ATAD2B: variants seen among roughly 807,000 people sequenced by gnomAD.
The protein encoded by ATAD2B is ATPase family AAA domain containing 2B.
ATAD2B carries 40 observed loss-of-function variants against 167.6 expected under a neutral mutation model. The observed-to-expected ratio is 0.24, with a 90% CI of 0.19 to 0.31. The LOEUF (loss-of-function observed/expected upper bound fraction) is 0.31. Among genes scored for constraint, ATAD2B ranks in the 10% least tolerant of loss-of-function variants. The probability of loss-of-function intolerance (pLI) is 1.00; values close to 1 mark genes in which losing one functional copy is unlikely to be tolerated. For synonymous variants in ATAD2B, 579 were observed against 596.5 expected (o/e 0.97, Z 0.43); for missense variants, 1,242 against 1,757.2 (o/e 0.71, Z 5.24).
At chr2:23,827,280 A>T (rs1321669571) in intron 15 of ATAD2B, among the ~76,000 whole-genome samples, 1 of 152,180 alleles carries the variant, frequency 6.6e-6, no homozygotes, top group Non-Finnish European at 1.5e-5. Flanking sequence ...GTAAGAAATT[A>T]TACCATGAAA....
chr2:23,689,049 A>C, the ATAD2B span: 1 of 152,754 alleles, frequency 6.5e-6, no homozygotes, highest in Admixed American at 6.5e-5. Context: ...CAGGCCATGC[A>C]CGAAGGCCTG....
At chr2:23,684,647 GA>G in the ATAD2B span, 1 of 940,290 alleles carries the variant, frequency 1.1e-6, no homozygotes, top group Non-Finnish European at 1.5e-6. The surrounding 1 kb of genome is among the most constrained non-coding windows in gnomAD (Gnocchi z 4.4). Flanking sequence ...CCCTGTCACA[GA>G]GCCAGTAGCC....
the ATAD2B span, among the ~76,000 whole-genome samples, chr2:23,692,586 C>T: frequency 6.6e-6 from 1 of 152,180 alleles, no homozygotes. Context: ...GTGCCAGGAA[C>T]CACGATGGCA....
intron 16 of ATAD2B, among the ~76,000 whole-genome samples, chr2:23,822,535 ACT>A (rs1343821673): frequency 1.3e-5 from 2 of 151,258 alleles, no homozygotes; most frequent in Non-Finnish European, 2.9e-5. Context: ...ACAGAGTGAG[ACT>A]CTGTCTCAAA....
At chr2:23,717,002 G>A in the ATAD2B span, among the ~76,000 whole-genome samples, 1 of 152,158 alleles carries the variant, frequency 6.6e-6, no homozygotes, top group East Asian at 1.9e-4. Flanking sequence ...GGATGGAGGC[G>A]AGGATGGAGG....
chr2:23,738,295 G>C, the ATAD2B span, among the ~76,000 whole-genome samples: 4 of 152,246 alleles, frequency 2.6e-5, no homozygotes, highest in Admixed American at 2.0e-4. Context: ...AGGGCAGCCA[G>C]AGAGAAAGGT....
intron 18 of ATAD2B, among the ~76,000 whole-genome samples, chr2:23,809,445 G>A (rs937506091): frequency 1.3e-5 from 2 of 152,072 alleles, no homozygotes; most frequent in Admixed American, 6.5e-5. Context: ...TGTAGGAAAT[G>A]GCTTTCAGTT....
intron 2 of ATAD2B, among the ~76,000 whole-genome samples, chr2:23,891,178 GC>G: frequency 6.6e-6 from 1 of 151,964 alleles, no homozygotes; most frequent in Middle Eastern, 3.4e-3. Context: ...CCGCCATCAT[GC>G]CCAGCTAATT....
intron 22 of ATAD2B, among the ~76,000 whole-genome samples, chr2:23,774,977 C>T (rs565803353): frequency 1.2e-3 from 175 of 152,118 alleles, no homozygotes; most frequent in Non-Finnish European, 2.3e-3. Flanking sequence ...TAAGAACATG[C>T]TTTACACAAG....
chr2:23,832,081 G>A (rs1055901045), intron 14 of ATAD2B: 1 of 343,868 alleles, frequency 2.9e-6, no homozygotes, highest in Admixed American at 4.0e-5. Flanking sequence ...TAAATACAAT[G>A]ACGAATTTTC....
At chr2:23,762,110 T>TG (rs1676820389) in intron 24 of ATAD2B, 99 bp downstream of exon 24, 8 of 1,249,750 alleles carry the variant, frequency 6.4e-6, no homozygotes, top group Non-Finnish European at 8.7e-6. Context: ...AAAAGAGCTA[T>TG]GGGAAAAGAG....
chr2:23,766,841 A>G (rs78121586), intron 22 of ATAD2B, among the ~76,000 whole-genome samples: 5,331 of 152,184 alleles, frequency 0.035, 108 homozygotes, highest in Non-Finnish European at 0.045. Context: ...GCAAGTCAGG[A>G]AGAAGACTCT....
intron 22 of ATAD2B, among the ~76,000 whole-genome samples, chr2:23,780,142 G>A (rs1679775553): frequency 6.6e-6 from 1 of 152,020 alleles, no homozygotes; most frequent in South Asian, 2.1e-4. Context: ...CCAGCTACCA[G>A]GAGGCTAGGG....
the ATAD2B span, among the ~76,000 whole-genome samples, chr2:23,739,874 C>G: frequency 6.7e-6 from 1 of 149,316 alleles, no homozygotes; most frequent in Non-Finnish European, 1.5e-5. Context: ...GGGATATCAC[C>G]ACCAATCCCA....
intron 1 of ATAD2B, among the ~76,000 whole-genome samples, chr2:23,897,480 T>C (rs12466121): frequency 0.19 from 28,165 of 152,188 alleles, 3,021 homozygotes; most frequent in Non-Finnish European, 0.24. Context: ...ACCACAAAGA[T>C]AGTGATTATC....
chr2:23,724,647 C>A, the ATAD2B span, among the ~76,000 whole-genome samples: 140 of 152,064 alleles, frequency 9.2e-4, no homozygotes, highest in East Asian at 0.016. Context: ...TACAGATATA[C>A]AAAGATCAGC....
intron 21 of ATAD2B, among the ~76,000 whole-genome samples, chr2:23,784,563 T>G (rs1199930939): frequency 6.6e-6 from 1 of 152,144 alleles, no homozygotes; most frequent in Non-Finnish European, 1.5e-5. Flanking sequence ...CTTCTTTGAT[T>G]AGAAAGAAAA....
chr2:23,800,737 C>T (rs944868507), intron 18 of ATAD2B, among the ~76,000 whole-genome samples: 1 of 151,410 alleles, frequency 6.6e-6, no homozygotes, highest in African/African-American at 2.4e-5. Context: ...ACAAATTGAA[C>T]ATGATATCCT....
chr2:23,808,085 A>ATATATAATTATATATATAAGTAAT (rs1684866351), intron 18 of ATAD2B, among the ~76,000 whole-genome samples: 1 of 134,792 alleles, frequency 7.4e-6, no homozygotes, highest in Non-Finnish European at 1.5e-5. Context: ...AAGTAATTAT[A>ATATATAATTATATATATAAGTAAT]TATATAATTA....
Sources: gnomAD v4.1 joint callset for allele counts (sites outside exome capture counted in the v4.1 genomes callset) on GRCh38, gnomAD v4.1.1 for gene constraint, Gnocchi (gnomAD v3.1) non-coding constraint, MANE v1.5 for transcripts, NCBI Gene and HGNC (gene_info 2026-07-23, HGNC 2026-07-21) for gene names.